Variants in MCC observed in about 807,000 individuals in gnomAD.
MCC encodes the protein colorectal mutant cancer protein.
Under a neutral mutation model 116.2 loss-of-function variants are expected in MCC, and 90 were observed. The observed-to-expected ratio is 0.77, with a 90% CI of 0.65 to 0.92. The LOEUF (loss-of-function observed/expected upper bound fraction) is 0.92, where lower values mean the gene tolerates loss of function less well. Ranked by LOEUF, MCC falls within the 40% of genes least tolerant of loss-of-function variation. The pLI is 0.00. For synonymous variants in MCC, 578 were observed against 510.5 expected (o/e 1.13, Z -1.78); for missense variants, 1,516 against 1,312.2 (o/e 1.16, Z -2.40).
chr5:113,429,082 A>C, intron 1 of MCC, among the ~76,000 whole-genome samples: 1 of 152,192 alleles, frequency 6.6e-6, no homozygotes, highest in East Asian at 1.9e-4. Flanking sequence ...CAAAAACTTT[A>C]CATATACTCT....
intron 3 of MCC, among the ~76,000 whole-genome samples, chr5:113,277,897 AAC>A (rs1765888212): frequency 6.6e-6 from 1 of 152,204 alleles, no homozygotes; most frequent in Admixed American, 6.5e-5. Flanking sequence ...CTTATTATCC[AAC>A]AGTCTACTGC....
intron 14 of MCC, among the ~76,000 whole-genome samples, chr5:113,057,242 G>A (rs1432081863): frequency 6.6e-6 from 1 of 152,146 alleles, no homozygotes; most frequent in African/African-American, 2.4e-5. Flanking sequence ...TTTTTCTCTA[G>A]GATTAGGATG....
chr5:113,120,894 A>G (rs1757697406), intron 6 of MCC, among the ~76,000 whole-genome samples: 1 of 152,138 alleles, frequency 6.6e-6, no homozygotes, highest in African/African-American at 2.4e-5. Flanking sequence ...CAAATACTTC[A>G]AGACACTATA....
rs1488061089 is a variant in MCC, at chr5:113,320,187, C to CT, written c.627+20331dup. ...TGCAAAAATTCAACCAGTATCCTGG[C>CT]TTTTTTTATAGCATGTACTCTGTCT... On this transcript the variant is annotated intron_variant, in intron 3 of 18. Coordinates refer to ENST00000408903, the MANE Select transcript of MCC (RefSeq NM_001085377.2). Among the ~76,000 whole-genome samples the CT allele has an allele frequency of 2.6e-5, 4 of 152,206 alleles. No individual in the cohort carries two copies. The South Asian group carries it at 8.3e-4, about 32-fold the overall frequency.
chr5:113,272,960 T>C (rs907335550), intron 3 of MCC, among the ~76,000 whole-genome samples: 1 of 152,190 alleles, frequency 6.6e-6, no homozygotes, highest in Non-Finnish European at 1.5e-5. Context: ...TGCTGTTTCT[T>C]GGGGCTGCCA....
intron 6 of MCC, among the ~76,000 whole-genome samples, chr5:113,122,172 C>T (rs1438155582): frequency 2.0e-5 from 3 of 152,198 alleles, no homozygotes; most frequent in East Asian, 1.9e-4. Context: ...TATTTCTCTA[C>T]AACCTCAAAC....
intron 3 of MCC, among the ~76,000 whole-genome samples, chr5:113,298,510 A>G (rs1766767321): frequency 6.6e-6 from 1 of 152,172 alleles, no homozygotes; most frequent in Non-Finnish European, 1.5e-5. Flanking sequence ...GTGACAGGAA[A>G]ATGGGAGATG....
At chr5:113,044,108 T>C (rs1020232561) in intron 16 of MCC, among the ~76,000 whole-genome samples, 3 of 152,200 alleles carry the variant, frequency 2.0e-5, no homozygotes, top group African/African-American at 4.8e-5. Flanking sequence ...AAGCCTCTTG[T>C]AATCATACAA....
chr5:113,063,853 G>A, intron 14 of MCC, 131 bp downstream of exon 14: 3 of 935,592 alleles, frequency 3.2e-6, no homozygotes, highest in Non-Finnish European at 4.8e-6. Flanking sequence ...GGAGCAGGCT[G>A]CATGCCAGAA....
At chr5:113,258,655 G>C (rs569338373) in intron 3 of MCC, among the ~76,000 whole-genome samples, 2 of 152,306 alleles carry the variant, frequency 1.3e-5, no homozygotes, top group African/African-American at 2.4e-5. Flanking sequence ...TGCGAAAGCA[G>C]TCCCTGCCAA....
At chr5:113,099,070 C>T (rs1331418412) in intron 8 of MCC, among the ~76,000 whole-genome samples, 4 of 151,926 alleles carry the variant, frequency 2.6e-5, no homozygotes, top group African/African-American at 7.3e-5. Context: ...AGACTTTTGG[C>T]ACTTAAAGTC....
chr5:113,169,214 G>A (rs1760938109), intron 3 of MCC, among the ~76,000 whole-genome samples: 1 of 152,094 alleles, frequency 6.6e-6, no homozygotes, highest in South Asian at 2.1e-4. Flanking sequence ...AAGAGTAGGG[G>A]GAAGAGGGAA....
chr5:113,094,132 G>C (rs555360987), intron 8 of MCC, among the ~76,000 whole-genome samples: 2 of 152,212 alleles, frequency 1.3e-5, no homozygotes, highest in Admixed American at 6.5e-5. Flanking sequence ...ATTTTTCTTA[G>C]AGCCCTCAAA....
chr5:113,151,714 G>GC (rs1235079979), intron 3 of MCC, among the ~76,000 whole-genome samples: 9 of 152,174 alleles, frequency 5.9e-5, no homozygotes, highest in Non-Finnish European at 1.0e-4. Flanking sequence ...CTTTCCCCAA[G>GC]CTACTCAGTG....
chr5:113,302,593 G>C (rs1006157217), intron 3 of MCC, among the ~76,000 whole-genome samples: 9 of 152,208 alleles, frequency 5.9e-5, no homozygotes, highest in Middle Eastern at 3.4e-3. Context: ...AAAGAATCCT[G>C]TATTTTAGAG....
chr5:113,085,865 T>A (rs865783544), intron 8 of MCC, among the ~76,000 whole-genome samples: 3 of 152,128 alleles, frequency 2.0e-5, no homozygotes, highest in African/African-American at 7.2e-5. Flanking sequence ...ATTTTTAAAT[T>A]CCTTTGTAAA....
chr5:113,157,483 C>T (rs1046077853), intron 3 of MCC, among the ~76,000 whole-genome samples: 1 of 152,222 alleles, frequency 6.6e-6, no homozygotes, highest in African/African-American at 2.4e-5. Context: ...GGAATGAGTT[C>T]ATCCCCACAG....
At chr5:113,098,873 A>G (rs1273094243) in intron 8 of MCC, among the ~76,000 whole-genome samples, 1 of 152,226 alleles carries the variant, frequency 6.6e-6, no homozygotes, top group Non-Finnish European at 1.5e-5. Flanking sequence ...CAGAGCTGCT[A>G]CAAAGACAGC....
rs564107313 is a variant in MCC at position 113,023,688 on chromosome 5, T to C, written c.*3614A>G. ...TGGGACATACTCCCAATTAAGAATT[T>C]GCAAATTGTTTAAAGCCTTATGGAG... On this transcript the variant is annotated 3_prime_UTR_variant, in exon 19 of 19. Transcript: ENST00000408903. 1.1e-4 allele frequency: 16 copies of C among 152,362 alleles called. No homozygotes were observed. Among genetic ancestry groups the C allele is most frequent in the African/African-American group, 3.4e-4 (14 of 41,594 alleles). 9.4% of individuals were successfully genotyped at this position (152,362 alleles called of 1,614,324 possible).
Sources: gnomAD v4.1 joint callset for allele counts (sites outside exome capture counted in the v4.1 genomes callset) on GRCh38, gnomAD v4.1.1 for gene constraint, MANE v1.5 for transcripts, NCBI Gene and HGNC (gene_info 2026-07-23, HGNC 2026-07-21) for gene names.